PRELID3A: variants seen among roughly 807,000 people sequenced by gnomAD.
PRELID3A encodes PRELI domain containing protein 3A.
A neutral mutation model predicts 23.0 loss-of-function variants in PRELID3A; 27 were observed. That is an observed-to-expected ratio of 1.17 (90% CI 0.87 to 1.62). PRELID3A has a LOEUF of 1.62. PRELID3A is among the 40% of genes most tolerant of loss of function. The pLI, the probability that PRELID3A is intolerant of heterozygous loss-of-function variation, is 0.00. For synonymous variants in PRELID3A, 87 were observed against 86.4 expected (o/e 1.01, Z -0.04); for missense variants, 231 against 231.4 (o/e 1.00, Z 0.01).
intron 3 of PRELID3A, among the ~76,000 whole-genome samples, chr18:12,422,519 T>G (rs572615454): frequency 1.9e-4 from 29 of 152,082 alleles, no homozygotes; most frequent in South Asian, 8.3e-4. Flanking sequence ...CCACTACACC[T>G]GGCTAATTTT....
At position 12,431,503 on chromosome 18, in the gene PRELID3A, A is replaced by G. The variant is rs2030603619; in HGVS notation, c.*387A>G. On this transcript the variant is annotated 3_prime_UTR_variant, in exon 7 of 7. Transcript: ENST00000440960. Reference sequence around the variant, plus strand: ...CGCCCGCCCACGCTGTCCTCCACTTAGGCTCCTCCACAAACGCTGGCGGGT... The same window carrying G: ...CGCCCGCCCACGCTGTCCTCCACTTGGGCTCCTCCACAAACGCTGGCGGGT... 1.3e-5 allele frequency: 1 copy of G among 77,916 alleles called. No homozygotes were observed. The highest frequency in any genetic ancestry group is 2.3e-5 in the Non-Finnish European group (1 of 43,130). The allele number at this position is 77,916 out of a possible 1,614,324, so 4.8% of individuals were successfully genotyped here. A position where few individuals can be genotyped will look rare whatever the true frequency, so the allele number is the denominator to read the frequency against.
In PRELID3A at chr18:12,420,413, C is replaced by G. The variant is rs1405278481; in HGVS notation, c.121C>G (p.Arg41Gly). 1.2e-6 allele frequency: 2 copies of G among 1,603,058 alleles called. No individual in the cohort carries two copies. The highest frequency in any genetic ancestry group is 4.5e-5 in the East Asian group (2 of 44,364). The change falls in exon 2 of 7, where the codon CGC (arginine) becomes GGC (glycine). Residue 41 changes from arginine (R) to glycine (G), a missense_variant. By Grantham distance (125) the Arg-to-Gly change is moderately radical. Transcript: ENST00000440960. ...CGTGCTGGGCGTGGATGTGCTACAG[C>G]GCCGCGTGGACGGCCGCGGCCGCCT... Reference protein sequence around the residue: ...PSVLGVDVLQRRVDGRGRLHS... With the variant: ...PSVLGVDVLQGRVDGRGRLHS...
chr18:12,420,028 G>A, intron 1 of PRELID3A: 1 of 840,824 alleles, frequency 1.2e-6, no homozygotes. Context: ...CTTGAGCCTG[G>A]GAGGTTTGAG....
intron 3 of PRELID3A, among the ~76,000 whole-genome samples, chr18:12,426,286 G>A (rs1568165676): frequency 6.6e-6 from 1 of 151,504 alleles, no homozygotes; most frequent in Non-Finnish European, 1.5e-5. Context: ...CGGGTGGAGT[G>A]GCTCACGCCT....
intron 3 of PRELID3A, among the ~76,000 whole-genome samples, chr18:12,425,111 C>T (rs2143384349): frequency 6.7e-6 from 1 of 150,124 alleles, no homozygotes; most frequent in East Asian, 2.0e-4. Flanking sequence ...CCATTGCACT[C>T]AAGAGTGAAA....
At chr18:12,414,132 GA>G (rs2029880672) in intron 1 of PRELID3A, among the ~76,000 whole-genome samples, 1 of 152,180 alleles carries the variant, frequency 6.6e-6, no homozygotes, top group Admixed American at 6.5e-5. Context: ...GCGCCCCCCA[GA>G]CACCCCAGAG....
At chr18:12,414,605 A>C (rs2029888393) in intron 1 of PRELID3A, among the ~76,000 whole-genome samples, 1 of 152,152 alleles carries the variant, frequency 6.6e-6, no homozygotes, top group East Asian at 1.9e-4. Flanking sequence ...TCATGCCTGT[A>C]GTCCTAGCTA....
chr18:12,426,996 G>C, intron 3 of PRELID3A, 45 bp from the exon 4 acceptor site: 2 of 1,467,260 alleles, frequency 1.4e-6, no homozygotes, highest in South Asian at 2.3e-5. Context: ...GGCTTCAGAA[G>C]AAATGCAAGA....
Position 12,427,258 on chromosome 18 carries a change from G to T in PRELID3A, c.400G>T (p.Gly134Trp). The T allele has an allele frequency of 6.2e-7, 1 of 1,614,182 alleles. No homozygotes were observed. The highest frequency in any genetic ancestry group is 8.5e-7 in the Non-Finnish European group (1 of 1,180,026). The change falls in exon 5 of 7, where the codon GGG (glycine) becomes TGG (tryptophan). Residue 134 changes from glycine (G) to tryptophan (W), a missense_variant. Physicochemically the swap from Gly to Trp is radical, Grantham distance 184. Transcript: ENST00000440960. ...ACAAGAAGCCATCATCACTGTGAAG[G>T]GGATTAGCCTTGGTAGTTATTTGGA... ...LTQEAIITVK[G>W]ISLGSYLESL...
chr18:12,418,159 T>C (rs1354770063), intron 1 of PRELID3A, among the ~76,000 whole-genome samples: 1 of 152,228 alleles, frequency 6.6e-6, no homozygotes. Context: ...ATCTTTCATA[T>C]TTTATTTGGA....
At chr18:12,409,283 C>T (rs900557015) in intron 1 of PRELID3A, among the ~76,000 whole-genome samples, 9 of 150,644 alleles carry the variant, frequency 6.0e-5, no homozygotes, top group African/African-American at 2.0e-4. Flanking sequence ...TCTCGTGCCT[C>T]AGCCTCCTGA....
chr18:12,409,604 A>G (rs1173703531), intron 1 of PRELID3A, among the ~76,000 whole-genome samples: 1 of 152,120 alleles, frequency 6.6e-6, no homozygotes, highest in Non-Finnish European at 1.5e-5. Flanking sequence ...GTGGGTTTCC[A>G]TCAGCAACAA....
intron 1 of PRELID3A, among the ~76,000 whole-genome samples, chr18:12,416,847 G>C (rs577188776): frequency 6.6e-6 from 1 of 151,730 alleles, no homozygotes; most frequent in Non-Finnish European, 1.5e-5. Context: ...GGGTTTCACC[G>C]TGTTAGCCAG....
At chr18:12,419,325 CA>C (rs71172083) in intron 1 of PRELID3A, among the ~76,000 whole-genome samples, 75,308 of 104,492 alleles carry the variant, frequency 0.72, 26,081 homozygotes, top group East Asian at 0.91. Context: ...GACTCCATAT[CA>C]AAAAAAAAAA....
chr18:12,420,607 C>A lies in PRELID3A; in HGVS notation c.201+114C>A. On this transcript the variant is annotated intron_variant, in intron 2 of 6. Transcript: ENST00000440960. Reference sequence around the variant, plus strand: ...GTGCCTCTGCTGCTTTGGCTGCCATCGGGGTGGGAGGGCGGCGGGGGGCCT... The same window carrying A: ...GTGCCTCTGCTGCTTTGGCTGCCATAGGGGTGGGAGGGCGGCGGGGGGCCT... 4 of 443,208 alleles carry A rather than the reference C, an allele frequency of 9.0e-6. No individual in the cohort carries two copies. The South Asian group carries it at 1.1e-4, about 12-fold the overall frequency. The allele number at this position is 443,208 out of a possible 1,614,324, so 27.5% of individuals were successfully genotyped here.
At chr18:12,422,949 G>A (rs2030238013) in intron 3 of PRELID3A, among the ~76,000 whole-genome samples, 1 of 152,156 alleles carries the variant, frequency 6.6e-6, no homozygotes, top group African/African-American at 2.4e-5. Context: ...TGCCTGCCAG[G>A]TACCCAGCAC....
intron 5 of PRELID3A, among the ~76,000 whole-genome samples, chr18:12,428,052 A>C (rs1283558075): frequency 6.6e-6 from 1 of 152,226 alleles, no homozygotes; most frequent in Non-Finnish European, 1.5e-5. Context: ...TTTAATGGGC[A>C]TTAAGTGGCT....
Position 12,431,993 on chromosome 18 carries a change from A to G in PRELID3A, c.*877A>G, listed in dbSNP as rs543579251. 1 of 152,322 alleles carries G rather than the reference A, an allele frequency of 6.6e-6. No individual in the cohort carries two copies. Among genetic ancestry groups the G allele is most frequent in the East Asian group, 1.9e-4 (1 of 5,166 alleles). The allele number at this position is 152,322 out of a possible 1,614,324, so 9.4% of individuals were successfully genotyped here. A position where few individuals can be genotyped will look rare whatever the true frequency, so the allele number is the denominator to read the frequency against. ...GACAACGACCAAAGGTCTTTTCCCCACCATCTTTAAATCAAAGTTGTTTAA... is the reference window on the plus strand; with the variant it reads ...GACAACGACCAAAGGTCTTTTCCCCGCCATCTTTAAATCAAAGTTGTTTAA... On this transcript the variant is annotated 3_prime_UTR_variant, in exon 7 of 7. Transcript: ENST00000440960.
Position 12,427,065 on chromosome 18 carries a change from G to A in PRELID3A, c.316G>A (p.Val106Ile). The A allele has an allele frequency of 1.2e-6, 2 of 1,613,268 alleles. No individual in the cohort carries two copies. Among genetic ancestry groups the A allele is most frequent in the Admixed American group, 1.7e-5 (1 of 60,016 alleles). The change falls in exon 4 of 7, where the codon GTT becomes ATT. Residue 106 changes from valine (V) to isoleucine (I), a missense_variant. Coordinates refer to ENST00000440960, the MANE Select transcript of PRELID3A (RefSeq NM_001142405.2). ...TNITLTNLVS[V>I]NERLVYTPHP... is the part of the protein sequence containing the mutation. Reference sequence around the variant, plus strand: ...GATCACACTCACAAATTTGGTGTCAGTTAATGAGAGGTTGGTGTACACACC... The same window carrying A: ...GATCACACTCACAAATTTGGTGTCAATTAATGAGAGGTTGGTGTACACACC...
Sources: allele counts gnomAD v4.1 joint callset (sites outside exome capture counted in the v4.1 genomes callset), GRCh38; gene constraint gnomAD v4.1.1; transcripts MANE v1.5; gene names NCBI Gene and HGNC (gene_info 2026-07-23, HGNC 2026-07-21).